Variants in PTPRD observed in about 807,000 individuals in gnomAD.
The protein encoded by PTPRD is protein tyrosine phosphatase receptor type D.
Under a neutral mutation model 214.5 loss-of-function variants are expected in PTPRD, and 34 were observed. That is an observed-to-expected ratio of 0.16 (90% CI 0.12 to 0.21). PTPRD has a LOEUF of 0.21. PTPRD is among the 10% of genes least tolerant of loss of function. PTPRD has a pLI of 1.00. For missense variants in PTPRD, 2,545 were observed against 2,398.7 expected, an observed-to-expected ratio of 1.06 and a Z score of -1.27; for synonymous variants, 1,128 against 845.7, an observed-to-expected ratio of 1.33 and a Z score of -5.79.
chr9:9,071,763 A>C (rs1233327910), intron 10 of PTPRD, among the ~76,000 whole-genome samples: 2 of 152,162 alleles, frequency 1.3e-5, no homozygotes, highest in Non-Finnish European at 1.5e-5. Context: ...GATAAGCTAT[A>C]ACTGGGCTCT....
chr9:10,368,984 G>A (rs773773431), intron 2 of PTPRD, among the ~76,000 whole-genome samples: 6 of 151,998 alleles, frequency 3.9e-5, no homozygotes, highest in Admixed American at 6.6e-5. Flanking sequence ...AGTCATATCT[G>A]TTCTGGGGAA....
At chr9:10,279,344 G>C (rs968172763) in intron 3 of PTPRD, among the ~76,000 whole-genome samples, 3 of 152,030 alleles carry the variant, frequency 2.0e-5, no homozygotes, top group Non-Finnish European at 4.4e-5. Flanking sequence ...TAACAGTTTG[G>C]TGATTTAGGA....
chr9:8,712,488 G>A (rs1334267884), intron 12 of PTPRD, among the ~76,000 whole-genome samples: 1 of 151,400 alleles, frequency 6.6e-6, no homozygotes, highest in Non-Finnish European at 1.5e-5. Context: ...GGCAGGATGA[G>A]CATGTAAAGG....
intron 9 of PTPRD, among the ~76,000 whole-genome samples, chr9:9,377,808 C>A (rs2061187744): frequency 6.6e-6 from 1 of 152,054 alleles, no homozygotes. Flanking sequence ...ACAGTTGAGA[C>A]ACGGCAGGGT....
chr9:10,078,271 G>C (rs1567535849), intron 3 of PTPRD, among the ~76,000 whole-genome samples: 1 of 150,996 alleles, frequency 6.6e-6, no homozygotes, highest in Non-Finnish European at 1.5e-5. Context: ...CCAGCACTTT[G>C]GGAGGCTGAG....
chr9:8,371,300 G>A (rs947675102), intron 39 of PTPRD, among the ~76,000 whole-genome samples: 3 of 151,970 alleles, frequency 2.0e-5, no homozygotes, highest in African/African-American at 7.2e-5. Context: ...TACTATTTTT[G>A]TAAAAATTAC....
At chr9:9,354,396 C>T (rs2052821247) in intron 9 of PTPRD, among the ~76,000 whole-genome samples, 1 of 151,788 alleles carries the variant, frequency 6.6e-6, no homozygotes. Flanking sequence ...AGCTTTTATA[C>T]TTCTTTCAAT....
intron 2 of PTPRD, among the ~76,000 whole-genome samples, chr9:10,367,162 T>C (rs1453399366): frequency 6.6e-6 from 1 of 151,916 alleles, no homozygotes; most frequent in Non-Finnish European, 1.5e-5. Context: ...AGCTATTCCT[T>C]ATTGAAAAAT....
At chr9:8,707,704 A>C (rs1276955291) in intron 12 of PTPRD, among the ~76,000 whole-genome samples, 1 of 152,210 alleles carries the variant, frequency 6.6e-6, no homozygotes, top group Non-Finnish European at 1.5e-5. Context: ...TCACAGAGAG[A>C]AAAGGTCTCC....
intron 12 of PTPRD, among the ~76,000 whole-genome samples, chr9:8,702,902 C>T (rs1449162255): frequency 6.6e-6 from 1 of 152,152 alleles, no homozygotes; most frequent in Non-Finnish European, 1.5e-5. Context: ...CCACTGCGCC[C>T]GGCCATAAGA....
At chr9:9,093,652 A>G (rs1331787805) in intron 10 of PTPRD, among the ~76,000 whole-genome samples, 2 of 147,806 alleles carry the variant, frequency 1.4e-5, no homozygotes, top group African/African-American at 5.0e-5. Context: ...TAAAAACACA[A>G]CCTGTTAAAA....
chr9:8,326,073 C>G (rs1244420263), intron 44 of PTPRD, among the ~76,000 whole-genome samples: 1 of 152,168 alleles, frequency 6.6e-6, no homozygotes, highest in Non-Finnish European at 1.5e-5. Flanking sequence ...CTTTCTGTTG[C>G]CTGACTGCCT....
intron 5 of PTPRD, among the ~76,000 whole-genome samples, chr9:9,874,008 A>G (rs1485304975): frequency 1.3e-5 from 2 of 152,208 alleles, no homozygotes; most frequent in East Asian, 3.8e-4. Context: ...TTCTTAAAGC[A>G]GATTTTAGGA....
intron 5 of PTPRD, among the ~76,000 whole-genome samples, chr9:9,892,928 T>C (rs965819981): frequency 2.0e-5 from 3 of 151,896 alleles, no homozygotes; most frequent in African/African-American, 7.2e-5. Context: ...AAAGGAGAGA[T>C]TCATTATGGC....
chr9:9,368,045 T>A (rs1373272277), intron 9 of PTPRD, among the ~76,000 whole-genome samples: 1 of 151,728 alleles, frequency 6.6e-6, no homozygotes, highest in Non-Finnish European at 1.5e-5. Context: ...TCATCTTTAT[T>A]TAGGGCCATA....
intron 8 of PTPRD, among the ~76,000 whole-genome samples, chr9:9,429,027 A>T (rs534675154): frequency 6.6e-6 from 1 of 152,342 alleles, no homozygotes; most frequent in Admixed American, 6.5e-5. Flanking sequence ...TTCAAAAGCT[A>T]GCGGAAGTCA....
In PTPRD at chr9:8,315,783, C is replaced by A. The variant is rs962302985; in HGVS notation, c.*2091G>T. On this transcript the variant is annotated 3_prime_UTR_variant, in exon 46 of 46. Transcript: ENST00000381196. ...CCTTCCATGCAGAACATCCATGAAG[C>A]TAAAATTAAACCAAAGTAGTATACT... 1 of 228,172 alleles carries A rather than the reference C, an allele frequency of 4.4e-6. No homozygotes were observed. Among genetic ancestry groups the A allele is most frequent in the Non-Finnish European group, 8.7e-6 (1 of 114,886 alleles). 14.1% of individuals were successfully genotyped at this position (228,172 alleles called of 1,614,324 possible). A position where few individuals can be genotyped will look rare whatever the true frequency, so the allele number is the denominator to read the frequency against.
chr9:10,293,304 T>C (rs1056606817), intron 3 of PTPRD, among the ~76,000 whole-genome samples: 2 of 151,970 alleles, frequency 1.3e-5, no homozygotes, highest in African/African-American at 2.4e-5. Context: ...AAATAATGAT[T>C]CTTTTTCCTT....
intron 8 of PTPRD, among the ~76,000 whole-genome samples, chr9:9,527,989 TAAAAC>T (rs2074535053): frequency 6.6e-6 from 1 of 152,116 alleles, no homozygotes; most frequent in Non-Finnish European, 1.5e-5. Context: ...CAAAAAGAAT[TAAAAC>T]AAAAGAGCCA....
Sources: gnomAD v4.1 joint callset for allele counts (sites outside exome capture counted in the v4.1 genomes callset) on GRCh38, gnomAD v4.1.1 for gene constraint, MANE v1.5 for transcripts, NCBI Gene and HGNC (gene_info 2026-07-23, HGNC 2026-07-21) for gene names.